NDC80: variants seen among roughly 807,000 people sequenced by gnomAD.
NDC80 encodes the protein NDC80 kinetochore complex component.
Under a neutral mutation model 89.3 loss-of-function variants are expected in NDC80, and 69 were observed. The ratio of observed to expected loss-of-function variants is 0.77; its 90% confidence interval spans 0.64 to 0.94. The LOEUF (loss-of-function observed/expected upper bound fraction) is 0.94, where lower values mean the gene tolerates loss of function less well. NDC80 is among the 40% of genes least tolerant of loss of function. The probability of loss-of-function intolerance (pLI) is 0.00; values close to 1 mark genes in which losing one functional copy is unlikely to be tolerated. For synonymous variants in NDC80, 243 were observed against 255.6 expected (o/e 0.95, Z 0.47); for missense variants, 593 against 739.6 (o/e 0.80, Z 2.30).
At chr18:2,609,791 T>TA (rs1413977654) in intron 15 of NDC80, among the ~76,000 whole-genome samples, 1 of 152,206 alleles carries the variant, frequency 6.6e-6, no homozygotes, top group Non-Finnish European at 1.5e-5. Flanking sequence ...GTGCACTGAG[T>TA]AGCTGCTGTA....
intron 15 of NDC80, 114 bp downstream of exon 15, chr18:2,608,944 A>T (rs1172016057): frequency 2.7e-6 from 3 of 1,127,606 alleles, no homozygotes; most frequent in African/African-American, 1.6e-5. Context: ...GCTATTTAGG[A>T]TGGAAAGAAT....
chr18:2,605,807 C>T (rs1455070830), intron 13 of NDC80, among the ~76,000 whole-genome samples: 1 of 152,046 alleles, frequency 6.6e-6, no homozygotes, highest in East Asian at 1.9e-4. Context: ...GAAGAACATT[C>T]TCTATTAATT....
intron 10 of NDC80, among the ~76,000 whole-genome samples, chr18:2,591,567 CTG>C (rs1226537764): frequency 6.6e-6 from 1 of 150,714 alleles, no homozygotes; most frequent in Non-Finnish European, 1.5e-5. Flanking sequence ...TTTGCTGAAT[CTG>C]TTTTTTTTTT....
Position 2,608,815 on chromosome 18 carries a change from A to G in NDC80, c.1673A>G (p.Asp558Gly), listed in dbSNP as rs1299620987. The change falls in exon 15 of 17, where the codon GAT becomes GGT. Residue 558 changes from aspartate (D) to glycine (G), a missense_variant. Transcript: ENST00000261597. The part of the protein sequence containing the change: ...QGLSEAMNEL[D>G]AVQREYQLVV... ...CTCAGTGAAGCTATGAATGAATTAG[A>G]TGCTGTTCAGCGGGAGTAAGTTTAT... The G allele has an allele frequency of 6.2e-7, 1 of 1,610,388 alleles. No homozygotes were observed. The highest frequency in any genetic ancestry group is 1.3e-5 in the African/African-American group (1 of 74,902).
intron 2 of NDC80, among the ~76,000 whole-genome samples, chr18:2,573,905 A>C (rs1458160184): frequency 6.6e-6 from 1 of 152,190 alleles, no homozygotes; most frequent in African/African-American, 2.4e-5. Flanking sequence ...TAGATAATGT[A>C]ATAAGTGCAG....
At position 2,578,253 on chromosome 18, in the gene NDC80, A is replaced by G. The variant is rs2072557962; in HGVS notation, c.476+112A>G. 8.9e-6 allele frequency: 9 copies of G among 1,007,494 alleles called. No homozygotes were observed. In the East Asian group the frequency reaches 2.2e-4, roughly 25 times the overall value. The allele number at this position is 1,007,494 out of a possible 1,614,324, so 62.4% of individuals were successfully genotyped here. Reference sequence around the variant, plus strand: ...AGAAATAATATGTTTTAAGATGACCACTGTGGGCAATATATGTAGGATAAA... The same window carrying G: ...AGAAATAATATGTTTTAAGATGACCGCTGTGGGCAATATATGTAGGATAAA... On this transcript the variant is annotated intron_variant, in intron 5 of 16. Coordinates refer to ENST00000261597, the MANE Select transcript of NDC80 (RefSeq NM_006101.3).
Position 2,599,083 on chromosome 18 carries a change from CTG to C in NDC80, c.1287_1288del (p.Asn431PhefsTer5). On this transcript the variant is annotated frameshift_variant, in exon 12 of 17. Transcript: ENST00000261597. LOFTEE classifies it high-confidence loss of function. ...AAATTAAAACTTATTCCTAAAGGTG[CTG>C]AGAATTCCAAAGGTTATGACTTTGA... 1 of 1,612,772 alleles carries C rather than the reference CTG, an allele frequency of 6.2e-7. No homozygotes were observed. Among genetic ancestry groups the C allele is most frequent in the Non-Finnish European group, 8.5e-7 (1 of 1,179,376 alleles).
At chr18:2,614,942 G>C (rs117246276) in intron 16 of NDC80, 2 of 152,294 alleles carry the variant, frequency 1.3e-5, no homozygotes, top group South Asian at 4.1e-4. Flanking sequence ...CATGAAGATC[G>C]TGTGCGGACA....
chr18:2,613,465 A>G (rs2072755925), intron 16 of NDC80, among the ~76,000 whole-genome samples: 1 of 152,210 alleles, frequency 6.6e-6, no homozygotes, highest in African/African-American at 2.4e-5. Flanking sequence ...AAGAGTACAG[A>G]AATAGATGCA....
intron 9 of NDC80, among the ~76,000 whole-genome samples, 163 bp from the exon 10 acceptor site, chr18:2,589,855 G>T: frequency 7.5e-6 from 1 of 132,928 alleles, no homozygotes. Context: ...ATTTCAAACT[G>T]ACAGTGTAGT....
chr18:2,599,243 C>T, intron 12 of NDC80, 72 bp downstream of exon 12: 1 of 1,306,002 alleles, frequency 7.7e-7, no homozygotes, highest in Non-Finnish European at 1.0e-6. Flanking sequence ...TGAACTTTGG[C>T]TTGTTCATAA....
chr18:2,604,241 A>G (rs73378245), intron 13 of NDC80, among the ~76,000 whole-genome samples: 9,496 of 152,264 alleles, frequency 0.062, 494 homozygotes, highest in African/African-American at 0.14. Flanking sequence ...CTCATAATAC[A>G]CTTAAGTACA....
intron 13 of NDC80, among the ~76,000 whole-genome samples, chr18:2,606,091 A>T (rs1248670634): frequency 1.3e-5 from 2 of 151,688 alleles, no homozygotes; most frequent in Non-Finnish European, 2.9e-5. Context: ...CTAGATTTCA[A>T]ATCCAGAGGC....
chr18:2,584,949 A>G (rs957629161), intron 6 of NDC80, among the ~76,000 whole-genome samples, 164 bp from the exon 7 acceptor site: 2 of 152,236 alleles, frequency 1.3e-5, no homozygotes, highest in Non-Finnish European at 2.9e-5. Context: ...TATTCGAAAG[A>G]AAGTCAAAAG....
At chr18:2,579,306 G>A (rs79412761) in intron 6 of NDC80, 10,181 of 290,436 alleles carry the variant, frequency 0.035, 978 homozygotes, top group African/African-American at 0.2. Flanking sequence ...CATGAAATTC[G>A]TTTTTACCCT....
chr18:2,577,917 T>C (rs1279005371), intron 4 of NDC80, 48 bp downstream of exon 4: 2 of 1,609,026 alleles, frequency 1.2e-6, no homozygotes, highest in African/African-American at 2.7e-5. Context: ...ATAGGTATTT[T>C]CCAATAATTT....
In NDC80 at chr18:2,589,285, T is replaced by A; in HGVS notation, c.845T>A (p.Leu282Ter). ...NRALNEQIAR[L>*]EQEREKEPNR... ...GCATTGAATGAACAGATTGCAAGAT[T>A]GGAACAAGAAAGAGAAAAAGAACCG... Residue 282 changes from leucine (L) to a stop codon, truncating the protein, a stop_gained, in exon 9 of 17, where the codon TTG (leucine) becomes TAG (stop). Transcript: ENST00000261597. LOFTEE classifies it high-confidence loss of function. 6.2e-7 allele frequency: 1 copy of A among 1,613,630 alleles called. No individual in the cohort carries two copies. The highest frequency in any genetic ancestry group is 1.1e-5 in the South Asian group (1 of 91,060).
intron 10 of NDC80, among the ~76,000 whole-genome samples, chr18:2,592,270 GTGTT>G (rs1285819413): frequency 2.0e-5 from 3 of 151,932 alleles, no homozygotes; most frequent in African/African-American, 7.3e-5. Flanking sequence ...TATTCTATGA[GTGTT>G]TGAACTTTCT....
Position 2,600,436 on chromosome 18 carries a change from C to T in NDC80, c.1375-960C>T, listed in dbSNP as rs539032042. 6.6e-5 allele frequency among the ~76,000 whole-genome samples: 10 copies of T among 152,064 alleles called. No individual in the cohort carries two copies. The South Asian group carries it at 1.9e-3, about 28-fold the overall frequency. ...GCAGCCTGGCCAATATGGTGAAACC[C>T]CATCTCTACTAAAAATACAAAAACT... On this transcript the variant is annotated intron_variant, in intron 12 of 16. Coordinates refer to ENST00000261597, the MANE Select transcript of NDC80 (RefSeq NM_006101.3).
Sources: allele counts gnomAD v4.1 joint callset (sites outside exome capture counted in the v4.1 genomes callset), GRCh38; gene constraint gnomAD v4.1.1; transcripts MANE v1.5; gene names NCBI Gene and HGNC (gene_info 2026-07-23, HGNC 2026-07-21).